CLTA: variants seen among roughly 807,000 people sequenced by gnomAD.
CLTA encodes clathrin light chain A, also known as clathrin, light polypeptide (Lca).
Under a neutral mutation model 26.9 loss-of-function variants are expected in CLTA, and 9 were observed. The observed-to-expected ratio is 0.33, with a 90% confidence interval of 0.20 to 0.58. CLTA has a LOEUF of 0.58. CLTA is among the 20% of genes least tolerant of loss of function. The probability of loss-of-function intolerance (pLI) is 0.85; values close to 1 mark genes in which losing one functional copy is unlikely to be tolerated. For missense variants in CLTA, 278 were observed against 294.2 expected (o/e 0.94, Z 0.40); for synonymous variants, 120 against 115.5 (o/e 1.04, Z -0.25).
At chr9:36,200,593 A>C (rs1011491299) in intron 3 of CLTA, among the ~76,000 whole-genome samples, 1 of 152,252 alleles carries the variant, frequency 6.6e-6, no homozygotes, top group Admixed American at 6.5e-5. Context: ...CAAATCATTT[A>C]TCTCTCTAGT....
At chr9:36,197,931 T>C (rs1306447555) in intron 2 of CLTA, among the ~76,000 whole-genome samples, 3 of 152,122 alleles carry the variant, frequency 2.0e-5, no homozygotes, top group African/African-American at 7.2e-5. Context: ...CCTGGTAATA[T>C]TAATATTCCT....
intron 4 of CLTA, among the ~76,000 whole-genome samples, chr9:36,210,099 TTTTTTTC>T (rs140888164): frequency 0.094 from 14,158 of 151,350 alleles, 846 homozygotes; most frequent in South Asian, 0.17. Flanking sequence ...TTTTTTTTTC[TTTTTTTC>T]TTTTTTCTTT....
At chr9:36,210,717 G>T (rs372212225) in intron 4 of CLTA, 1 of 1,606,180 alleles carries the variant, frequency 6.2e-7, no homozygotes, top group Non-Finnish European at 8.5e-7. Context: ...TCGCAGTGTT[G>T]TAGTGGCTCT....
chr9:36,191,054 G>T lies in CLTA; in HGVS notation c.-3G>T. On this transcript the variant is annotated 5_prime_UTR_variant, in exon 1 of 5. Transcript: ENST00000345519. The stretch of plus-strand genomic sequence containing the variant: ...TGGTGTCCGTGCCGTTCAGTTGCCC[G>T]CCATGGCTGAGCTGGATCCGTTCGG... The T allele has an allele frequency of 6.5e-7, 1 of 1,539,994 alleles. No homozygotes were observed. The highest frequency in any genetic ancestry group is 8.7e-7 in the Non-Finnish European group (1 of 1,155,310).
intron 4 of CLTA, among the ~76,000 whole-genome samples, chr9:36,206,651 T>C (rs1197463208): frequency 6.6e-6 from 1 of 152,056 alleles, no homozygotes; most frequent in African/African-American, 2.4e-5. Context: ...TTCCAGCACA[T>C]TGGGAGGCTG....
Position 36,190,990 on chromosome 9 carries a change from G to C in CLTA, c.-67G>C, listed in dbSNP as rs1826659607. The C allele has an allele frequency of 1.4e-6, 2 of 1,465,464 alleles. No individual in the cohort carries two copies. The highest frequency in any genetic ancestry group is 1.8e-6 in the Non-Finnish European group (2 of 1,118,922). The allele number at this position is 1,465,464 out of a possible 1,614,324, so 90.8% of individuals were successfully genotyped here. On this transcript the variant is annotated 5_prime_UTR_variant, in exon 1 of 5. Coordinates refer to ENST00000345519, the MANE Select transcript of CLTA (RefSeq NM_001833.4). ...TCGGCACCACAGCGGTGGCTGCCGG[G>C]CGTGGTGTCGGTGGGTCGGTTGGTT...
Position 36,210,530 on chromosome 9 carries a change from T to G in CLTA, c.486-1073T>G. On this transcript the variant is annotated intron_variant, in intron 4 of 4. Transcript: ENST00000345519. ...AAGCACAGATAGAGTGGCAAGGGCA[T>G]GTCCAGCTTACTGACCATCTGCATT... 3 of 1,594,008 alleles carry G rather than the reference T, an allele frequency of 1.9e-6. No homozygotes were observed. In the South Asian group the frequency reaches 3.4e-5, roughly 18 times the overall value.
chr9:36,201,974 TGTG>T (rs1004470185), intron 3 of CLTA, among the ~76,000 whole-genome samples: 1 of 151,202 alleles, frequency 6.6e-6, no homozygotes, highest in Non-Finnish European at 1.5e-5. Context: ...AGCTGGGGGT[TGTG>T]GTGCACGCTT....
chr9:36,192,993 C>G (rs1254341793), intron 1 of CLTA, among the ~76,000 whole-genome samples: 2 of 152,160 alleles, frequency 1.3e-5, no homozygotes, highest in African/African-American at 4.8e-5. Flanking sequence ...TCACGTTTGA[C>G]AAAGAAATGG....
intron 1 of CLTA, among the ~76,000 whole-genome samples, chr9:36,195,953 G>A (rs926692630): frequency 6.6e-6 from 1 of 151,918 alleles, no homozygotes; most frequent in African/African-American, 2.4e-5. Flanking sequence ...GGCCAACAGC[G>A]TGAGACTCCG....
intron 3 of CLTA, among the ~76,000 whole-genome samples, chr9:36,200,634 G>A (rs1330543697): frequency 6.6e-6 from 1 of 152,102 alleles, no homozygotes; most frequent in Admixed American, 6.5e-5. Context: ...AACAAAGAAT[G>A]CACTTAGTAT....
chr9:36,199,163 A>G, intron 3 of CLTA, 67 bp downstream of exon 3: 3 of 1,000,212 alleles, frequency 3.0e-6, no homozygotes, highest in South Asian at 2.5e-5. Context: ...CTCTACTTTT[A>G]TTCCTTTTTA....
At position 36,190,971 on chromosome 9, in the gene CLTA, C is replaced by G. The variant is rs1826656332; in HGVS notation, c.-86C>G. The G allele has an allele frequency of 6.9e-7, 1 of 1,456,580 alleles. No homozygotes were observed. Among genetic ancestry groups the G allele is most frequent in the Non-Finnish European group, 9.0e-7 (1 of 1,114,462 alleles). 90.2% of individuals were successfully genotyped at this position (1,456,580 alleles called of 1,614,324 possible). ...GCTTGTCCTCCTCTCCCAGTCGGCACCACAGCGGTGGCTGCCGGGCGTGGT... is the reference window on the plus strand; with the variant it reads ...GCTTGTCCTCCTCTCCCAGTCGGCAGCACAGCGGTGGCTGCCGGGCGTGGT... On this transcript the variant is annotated 5_prime_UTR_variant, in exon 1 of 5. Coordinates refer to ENST00000345519, the MANE Select transcript of CLTA (RefSeq NM_001833.4).
chr9:36,193,772 G>A (rs947748567), intron 1 of CLTA, among the ~76,000 whole-genome samples: 7 of 152,188 alleles, frequency 4.6e-5, no homozygotes, highest in African/African-American at 1.7e-4. Flanking sequence ...AACCAGAGGG[G>A]TTAGGGCTAA....
In CLTA at chr9:36,190,987, C is replaced by A; in HGVS notation, c.-70C>A. On this transcript the variant is annotated 5_prime_UTR_variant, in exon 1 of 5. Coordinates refer to ENST00000345519, the MANE Select transcript of CLTA (RefSeq NM_001833.4). ...CAGTCGGCACCACAGCGGTGGCTGCCGGGCGTGGTGTCGGTGGGTCGGTTG... is the reference window on the plus strand; with the variant it reads ...CAGTCGGCACCACAGCGGTGGCTGCAGGGCGTGGTGTCGGTGGGTCGGTTG... The A allele has an allele frequency of 6.8e-7, 1 of 1,463,444 alleles. No individual in the cohort carries two copies. Among genetic ancestry groups the A allele is most frequent in the Non-Finnish European group, 8.9e-7 (1 of 1,118,006 alleles). The allele number at this position is 1,463,444 out of a possible 1,614,324, so 90.7% of individuals were successfully genotyped here.
chr9:36,208,877 C>T (rs146728257), intron 4 of CLTA, among the ~76,000 whole-genome samples: 1 of 152,322 alleles, frequency 6.6e-6, no homozygotes, highest in East Asian at 1.9e-4. Context: ...ATCTCTAAGC[C>T]TCAGTTACCT....
chr9:36,207,432 T>C (rs1428442027), intron 4 of CLTA, among the ~76,000 whole-genome samples: 1 of 152,256 alleles, frequency 6.6e-6, no homozygotes, highest in Non-Finnish European at 1.5e-5. Flanking sequence ...GAACCCACAG[T>C]TCTCAGAGAT....
At chr9:36,209,428 A>T (rs75649380) in intron 4 of CLTA, 4 of 897,076 alleles carry the variant, frequency 4.5e-6, no homozygotes, top group Non-Finnish European at 7.2e-6. Context: ...AATTATTTCA[A>T]ATTGGCACTT....
intron 3 of CLTA, 70 bp downstream of exon 3, chr9:36,199,166 C>A: frequency 1.0e-6 from 1 of 976,940 alleles, no homozygotes; most frequent in Non-Finnish European, 1.7e-6. Flanking sequence ...TACTTTTATT[C>A]CTTTTTAGCT....
Sources: gnomAD v4.1 joint callset for allele counts (sites outside exome capture counted in the v4.1 genomes callset) on GRCh38, gnomAD v4.1.1 for gene constraint, MANE v1.5 for transcripts, NCBI Gene and HGNC (gene_info 2026-07-23, HGNC 2026-07-21) for gene names.